GPR176: variants seen among roughly 807,000 people sequenced by gnomAD.
GPR176 encodes the protein G-protein coupled receptor 176.
In GPR176, 26 loss-of-function variants were observed where a neutral mutation model predicts 35.4. That is an observed-to-expected ratio of 0.74 (90% CI 0.54 to 1.02). GPR176 has a LOEUF of 1.02. Among genes scored for constraint, GPR176 ranks in the 50% least tolerant of loss-of-function variants. The pLI is 0.00. For synonymous variants in GPR176, 278 were observed against 271.3 expected, an observed-to-expected ratio of 1.02 and a Z score of -0.24; for missense variants, 597 against 665.3, an observed-to-expected ratio of 0.90 and a Z score of 1.13.
chr15:39,801,945 G>A lies in GPR176; in HGVS notation c.735C>T (p.Leu245=), dbSNP rs1898902707. ...TAGAGATGGTGTTCTGTGGGGTCCG[G>A]AGCGCTGCTATGATGACCTTCTTCT... ...SQKKKVIIAA[L]RTPQNTISIP... Residue 245 remains leucine (L), a synonymous_variant, in exon 3 of 3, where the codon CTC becomes CTT. Transcript: ENST00000561100. 1 of 1,614,062 alleles carries A rather than the reference G, an allele frequency of 6.2e-7. No homozygotes were observed. The highest frequency in any genetic ancestry group is 8.5e-7 in the Non-Finnish European group (1 of 1,179,988).
chr15:39,849,363 CAAG>C (rs1482778798), intron 1 of GPR176, among the ~76,000 whole-genome samples: 2 of 152,062 alleles, frequency 1.3e-5, no homozygotes, highest in African/African-American at 4.8e-5. Flanking sequence ...CTAAACGTTT[CAAG>C]AAGAATTAAC....
At chr15:39,823,599 C>T (rs905136843) in intron 1 of GPR176, among the ~76,000 whole-genome samples, 1 of 152,202 alleles carries the variant, frequency 6.6e-6, no homozygotes, top group African/African-American at 2.4e-5. Flanking sequence ...CACACTGCTC[C>T]TCCAGCCCAT....
Position 39,806,190 on chromosome 15 carries a change from T to C in GPR176, c.425+816A>G, listed in dbSNP as rs372579783. Among the ~76,000 whole-genome samples, 18 of 152,372 alleles carry C rather than the reference T, an allele frequency of 1.2e-4. No homozygotes were observed. The East Asian group carries it at 1.9e-3, about 16-fold the overall frequency. On this transcript the variant is annotated intron_variant, in intron 2 of 2. Transcript: ENST00000561100. ...TGTAGTTAAATTTTAACATAGGGCATAAAATCAGAATAGCCTGCACTTTCC... is the reference window on the plus strand; with the variant it reads ...TGTAGTTAAATTTTAACATAGGGCACAAAATCAGAATAGCCTGCACTTTCC...
chr15:39,860,908 T>C (rs901687368), intron 1 of GPR176: 3 of 152,204 alleles, frequency 2.0e-5, no homozygotes, highest in Non-Finnish European at 4.4e-5. Context: ...GGGAAGGTGG[T>C]ACCAGGTGGA....
At chr15:39,909,474 A>G (rs2033519790) in intron 1 of GPR176, among the ~76,000 whole-genome samples, 1 of 152,184 alleles carries the variant, frequency 6.6e-6, no homozygotes, top group Non-Finnish European at 1.5e-5. Flanking sequence ...TTCTTTCTTC[A>G]TACACTGGCT....
At chr15:39,862,603 A>T (rs532240417) in intron 1 of GPR176, among the ~76,000 whole-genome samples, 3 of 152,302 alleles carry the variant, frequency 2.0e-5, no homozygotes, top group Non-Finnish European at 2.9e-5. Flanking sequence ...TAATAGAGCT[A>T]AAAAAATGTC....
At chr15:39,834,487 T>G (rs1901276047) in intron 1 of GPR176, among the ~76,000 whole-genome samples, 2 of 152,298 alleles carry the variant, frequency 1.3e-5, no homozygotes, top group South Asian at 4.1e-4. Flanking sequence ...AGAGTCATTA[T>G]ACCACTTAAG....
At chr15:39,882,426 T>C (rs2032511170) in intron 1 of GPR176, among the ~76,000 whole-genome samples, 1 of 152,188 alleles carries the variant, frequency 6.6e-6, no homozygotes, top group Admixed American at 6.5e-5. Flanking sequence ...GTGGAACATA[T>C]TTGAGGGATA....
At chr15:39,877,102 T>G (rs1185633461) in intron 1 of GPR176, among the ~76,000 whole-genome samples, 1 of 152,206 alleles carries the variant, frequency 6.6e-6, no homozygotes, top group African/African-American at 2.4e-5. Context: ...AAAACCCAAT[T>G]ATTGAGTCTA....
chr15:39,892,535 C>T (rs1472563435), intron 1 of GPR176, among the ~76,000 whole-genome samples: 1 of 152,216 alleles, frequency 6.6e-6, no homozygotes, highest in Non-Finnish European at 1.5e-5. Flanking sequence ...GCTGCGAATA[C>T]GACCTTTTTT....
intron 1 of GPR176, among the ~76,000 whole-genome samples, chr15:39,871,760 C>T (rs1470392575): frequency 1.3e-5 from 2 of 152,180 alleles, no homozygotes; most frequent in African/African-American, 4.8e-5. Context: ...TGACCAATGA[C>T]TGATGGAGTG....
intron 1 of GPR176, among the ~76,000 whole-genome samples, chr15:39,883,746 A>G (rs2032568794): frequency 6.6e-6 from 1 of 152,156 alleles, no homozygotes; most frequent in Admixed American, 6.5e-5. Context: ...AGGTCCTGGA[A>G]CGTTCACCAT....
intron 1 of GPR176, among the ~76,000 whole-genome samples, chr15:39,847,892 C>A (rs1053847944): frequency 1.3e-5 from 2 of 152,088 alleles, no homozygotes; most frequent in African/African-American, 2.4e-5. Context: ...GTTCTGCAGG[C>A]TGTACAGGCT....
rs747250924 is a variant in GPR176, at chr15:39,801,156, G to A, written c.1524C>T (p.Ser508=). The stretch of plus-strand genomic sequence containing the variant: ...GCTAGGAATCCACCTTTGGAAAAAT[G>A]CTCACTTTATTGTTTCTGCTCATCT... ...ERKMSRNNKV[S]IFPKVDS is the part of the protein sequence containing the mutation. Residue 508 remains serine (S), a synonymous_variant, in exon 3 of 3, where the codon AGC becomes AGT. Coordinates refer to ENST00000561100, the MANE Select transcript of GPR176 (RefSeq NM_007223.3). 12 of 1,604,154 alleles carry A rather than the reference G, an allele frequency of 7.5e-6. No homozygotes were observed. The highest frequency in any genetic ancestry group is 5.1e-5 in the Admixed American group (3 of 59,096).
At chr15:39,840,192 T>C (rs189649944) in intron 1 of GPR176, among the ~76,000 whole-genome samples, 5 of 152,322 alleles carry the variant, frequency 3.3e-5, no homozygotes, top group South Asian at 2.1e-4. Context: ...CGTATGTTTA[T>C]TGTGGCACTA....
intron 1 of GPR176, among the ~76,000 whole-genome samples, chr15:39,871,489 C>A (rs1365169354): frequency 2.0e-5 from 3 of 152,152 alleles, no homozygotes; most frequent in Non-Finnish European, 2.9e-5. Flanking sequence ...CAAAGTATTT[C>A]TGTAGAGAGA....
Position 39,800,907 on chromosome 15 carries a change from T to A in GPR176, c.*225A>T, listed in dbSNP as rs1898802889. The A allele has an allele frequency of 8.1e-6, 4 of 492,480 alleles. No homozygotes were observed. In the East Asian group the frequency reaches 1.5e-4, roughly 19 times the overall value. The allele number at this position is 492,480 out of a possible 1,614,324, so 30.5% of individuals were successfully genotyped here. A position where few individuals can be genotyped will look rare whatever the true frequency, so the allele number is the denominator to read the frequency against. ...GTCCCCACAGAGAATAATGTGGACT[T>A]CACTAAGGACATGGATCACTGAGAT... is the stretch of plus-strand genomic sequence containing the variant. On this transcript the variant is annotated 3_prime_UTR_variant, in exon 3 of 3. Transcript: ENST00000561100.
intron 1 of GPR176, among the ~76,000 whole-genome samples, chr15:39,918,044 T>TAA (rs11410825): frequency 0.026 from 2,877 of 111,302 alleles, 107 homozygotes; most frequent in African/African-American, 0.064. Flanking sequence ...AAACTCTGTC[T>TAA]AAAAAAAAAA....
At chr15:39,853,793 A>G (rs1446014636) in intron 1 of GPR176, among the ~76,000 whole-genome samples, 1 of 152,100 alleles carries the variant, frequency 6.6e-6, no homozygotes, top group Admixed American at 6.6e-5. Context: ...ATCCCCCAAC[A>G]ACAAAAAATT....
Sources: allele counts gnomAD v4.1 joint callset (sites outside exome capture counted in the v4.1 genomes callset), GRCh38; gene constraint gnomAD v4.1.1; transcripts MANE v1.5; gene names NCBI Gene and HGNC (gene_info 2026-07-23, HGNC 2026-07-21).